The following MOV10L1 variants were observed in gnomAD, a reference collection of about 807,000 sequenced individuals.
MOV10L1 encodes Mov10 like RNA helicase 1, also known as RNA helicase Mov10l1.
A neutral mutation model predicts 143.8 loss-of-function variants in MOV10L1; 110 were observed. The observed-to-expected ratio is 0.76, with a 90% confidence interval of 0.66 to 0.90. MOV10L1 has a LOEUF of 0.90. Ranked by LOEUF, MOV10L1 falls within the 40% of genes least tolerant of loss-of-function variation. The pLI is 0.00. For missense variants in MOV10L1, 1,406 were observed against 1,526.8 expected (o/e 0.92, Z 1.32); for synonymous variants, 593 against 581.1 (o/e 1.02, Z -0.29).
chr22:50,145,520 G>GTTGATAAAACATGGACTGAA (rs2063129020), intron 18 of MOV10L1, among the ~76,000 whole-genome samples, 169 bp from the exon 19 acceptor site: 1 of 152,212 alleles, frequency 6.6e-6, no homozygotes, highest in East Asian at 1.9e-4. Flanking sequence ...TGGCTCTAGA[G>GTTGATAAAACATGGACTGAA]TTGATAAAAC....
chr22:50,128,393 T>A (rs2062573953), intron 12 of MOV10L1, 23 bp from the exon 13 acceptor site: 1 of 1,199,082 alleles, frequency 8.3e-7, no homozygotes, highest in Admixed American at 2.1e-5. Context: ...AGAAATCAGG[T>A]ATATTGTTTG....
intron 3 of MOV10L1, among the ~76,000 whole-genome samples, chr22:50,100,180 A>G (rs1297851604): frequency 6.6e-6 from 1 of 151,852 alleles, no homozygotes; most frequent in African/African-American, 2.4e-5. Context: ...TTTAGTAAAG[A>G]TGGGGTTTCA....
At chr22:50,116,251 T>C (rs1015514538) in intron 8 of MOV10L1, among the ~76,000 whole-genome samples, 1 of 149,410 alleles carries the variant, frequency 6.7e-6, no homozygotes, top group Admixed American at 6.8e-5. Flanking sequence ...AAAAAAGCCA[T>C]AGGTGCTAAC....
Position 50,158,188 on chromosome 22 carries a change from C to T in MOV10L1, c.3198C>T (p.Ile1066=). 9 of 1,614,152 alleles carry T rather than the reference C, an allele frequency of 5.6e-6. No homozygotes were observed. The highest frequency in any genetic ancestry group is 7.6e-6 in the Non-Finnish European group (9 of 1,180,036). The change falls in exon 23 of 27, where the codon ATC becomes ATT. Residue 1066 remains isoleucine (I), a synonymous_variant. Transcript: ENST00000262794. The surrounding 1 kb of genome is among the most constrained non-coding windows in gnomAD (Gnocchi z 5.0). Reference sequence around the variant, plus strand: ...TGTCTGCCAGCGACATTGGCGTCATCACGCCCTACCGGAAGCAGGTACGCC... The same window carrying T: ...TGTCTGCCAGCGACATTGGCGTCATTACGCCCTACCGGAAGCAGGTACGCC... The part of the protein sequence containing the change: ...SQVSASDIGV[I]TPYRKQVEKI...
intron 18 of MOV10L1, among the ~76,000 whole-genome samples, chr22:50,144,459 T>C (rs2063080196): frequency 6.6e-6 from 1 of 152,260 alleles, no homozygotes; most frequent in African/African-American, 2.4e-5. Context: ...CTGTGTGAGT[T>C]ATCACACCTA....
At position 50,128,433 on chromosome 22, in the gene MOV10L1, A is replaced by G; in HGVS notation, c.1836A>G (p.Val612=). The G allele has an allele frequency of 6.5e-7, 1 of 1,528,024 alleles. No homozygotes were observed. The highest frequency in any genetic ancestry group is 9.0e-7 in the Non-Finnish European group (1 of 1,109,538). The allele number at this position is 1,528,024 out of a possible 1,614,324, so 94.7% of individuals were successfully genotyped here. A position where few individuals can be genotyped will look rare whatever the true frequency, so the allele number is the denominator to read the frequency against. Residue 612 remains valine (V), a synonymous_variant, in exon 13 of 27, where the codon GTA becomes GTG. Coordinates refer to ENST00000262794, the MANE Select transcript of MOV10L1 (RefSeq NM_018995.3). ...SYVTEIHEED[V]TLKINPEFEQ... ...TTTTTTAGATTCATGAAGAAGATGT[A>G]ACTCTTAAAATTAATCCAGAATTTG...
intron 10 of MOV10L1, among the ~76,000 whole-genome samples, chr22:50,121,495 C>T (rs534567970): frequency 1.2e-3 from 177 of 152,318 alleles, no homozygotes; most frequent in African/African-American, 4.0e-3. Flanking sequence ...AGGGAAAACC[C>T]GGCCTGGGCA....
At chr22:50,129,819 C>T (rs190981910) in intron 13 of MOV10L1, among the ~76,000 whole-genome samples, 6 of 152,208 alleles carry the variant, frequency 3.9e-5, no homozygotes, top group Non-Finnish European at 5.9e-5. Flanking sequence ...GTTCGTGGGC[C>T]GTAAAATGTT....
chr22:50,120,704 A>T lies in MOV10L1; in HGVS notation c.1569+88A>T, dbSNP rs1020609555. 5 of 943,030 alleles carry T rather than the reference A, an allele frequency of 5.3e-6. No homozygotes were observed. The African/African-American group carries it at 8.3e-5, about 16-fold the overall frequency. The allele number at this position is 943,030 out of a possible 1,614,324, so 58.4% of individuals were successfully genotyped here. A position where few individuals can be genotyped will look rare whatever the true frequency, so the allele number is the denominator to read the frequency against. ...AGCCAGGAGGTTCCTTCTCAGGTTC[A>T]GACCTTCATCTGGCTTGTTTTCTTC... is the stretch of plus-strand genomic sequence containing the variant. On this transcript the variant is annotated intron_variant, in intron 10 of 26. Transcript: ENST00000262794.
chr22:50,133,216 T>C (rs981524616), intron 13 of MOV10L1, among the ~76,000 whole-genome samples: 4 of 152,062 alleles, frequency 2.6e-5, no homozygotes, highest in African/African-American at 9.7e-5. Flanking sequence ...CTGAGCGAGT[T>C]AGTACAGCGT....
chr22:50,117,467 G>A, intron 9 of MOV10L1, 116 bp downstream of exon 9: 1 of 1,055,794 alleles, frequency 9.5e-7, no homozygotes, highest in East Asian at 2.6e-5. Context: ...TAAAGGGGAT[G>A]AAGCTGGGGT....
At chr22:50,090,495 G>A (rs776183432) in intron 1 of MOV10L1, 5 of 1,609,720 alleles carry the variant, frequency 3.1e-6, no homozygotes, top group East Asian at 2.2e-5. Context: ...CTCCCTGTCC[G>A]CAGCGTCATT....
At chr22:50,113,912 CTTTTTT>C (rs67071955) in intron 6 of MOV10L1, 124 bp downstream of exon 6, 225 of 263,166 alleles carry the variant, frequency 8.5e-4, no homozygotes, top group South Asian at 1.4e-3. Context: ...AAGATCTTTT[CTTTTTT>C]TTTTTTTTTT....
At chr22:50,146,745 T>G (rs9628265) in intron 19 of MOV10L1, among the ~76,000 whole-genome samples, 41,194 of 151,872 alleles carry the variant, frequency 0.27, 5,783 homozygotes, top group South Asian at 0.38. Context: ...CAGCTCCACA[T>G]GGAGCAAAGG....
intron 5 of MOV10L1, among the ~76,000 whole-genome samples, chr22:50,111,448 CT>C: frequency 7.6e-6 from 1 of 131,220 alleles, no homozygotes; most frequent in South Asian, 2.4e-4. Flanking sequence ...GAGTTTTTTC[CT>C]TTTGGCATGG....
At chr22:50,146,963 C>G (rs2063169064) in intron 19 of MOV10L1, 1 of 1,171,198 alleles carries the variant, frequency 8.5e-7, no homozygotes, top group Non-Finnish European at 1.2e-6. Context: ...TGTGCGGTGC[C>G]CGAGAGCCGT....
chr22:50,124,774 C>CCA (rs2062446793), intron 10 of MOV10L1, among the ~76,000 whole-genome samples: 1 of 152,258 alleles, frequency 6.6e-6, no homozygotes, highest in South Asian at 2.1e-4. Context: ...GCGCTCAGCC[C>CCA]CACAGATCAG....
At chr22:50,127,870 T>TCAAGAGATTCTCCTGCCTCAGCCTCC (rs2062557260) in intron 12 of MOV10L1, among the ~76,000 whole-genome samples, 1 of 152,136 alleles carries the variant, frequency 6.6e-6, no homozygotes, top group African/African-American at 2.4e-5. Context: ...CTTCCCAGGT[T>TCAAGAGATTCTCCTGCCTCAGCCTCC]CAAGAGATTC....
chr22:50,143,234 G>C lies in MOV10L1; in HGVS notation c.2358+13G>C. The C allele has an allele frequency of 1.2e-6, 2 of 1,613,444 alleles. No individual in the cohort carries two copies. Among genetic ancestry groups the C allele is most frequent in the South Asian group, 2.2e-5 (2 of 91,038 alleles). Reference sequence around the variant, plus strand: ...GGCTGTTTTACAGGTAAGGACAGCGGCGCCGCGGGTGCTGTGGCTCTGTGC... The same window carrying C: ...GGCTGTTTTACAGGTAAGGACAGCGCCGCCGCGGGTGCTGTGGCTCTGTGC... On this transcript the variant is annotated intron_variant, in intron 17 of 26. Coordinates refer to ENST00000262794, the MANE Select transcript of MOV10L1 (RefSeq NM_018995.3).
Sources: gnomAD v4.1 joint callset for allele counts (sites outside exome capture counted in the v4.1 genomes callset) on GRCh38, gnomAD v4.1.1 for gene constraint, Gnocchi (gnomAD v3.1) non-coding constraint, MANE v1.5 for transcripts, NCBI Gene and HGNC (gene_info 2026-07-23, HGNC 2026-07-21) for gene names.